Variants in CUBN observed in about 807,000 individuals in gnomAD.
CUBN encodes cubilin, also known as 460 kDa receptor.
Under a neutral mutation model 405.3 loss-of-function variants are expected in CUBN, and 282 were observed. The observed-to-expected ratio is 0.70, with a 90% CI of 0.63 to 0.77. The LOEUF (loss-of-function observed/expected upper bound fraction) is 0.77, where lower values mean the gene tolerates loss of function less well. CUBN is among the 30% of genes least tolerant of loss of function. The probability of loss-of-function intolerance (pLI) is 0.00; values close to 1 mark genes in which losing one functional copy is unlikely to be tolerated. For synonymous variants in CUBN, 1,684 were observed against 1,617.0 expected (o/e 1.04, Z -0.99); for missense variants, 4,514 against 4,475.2 (o/e 1.01, Z -0.25).
At chr10:17,016,556 T>C (rs1036864071) in intron 28 of CUBN, among the ~76,000 whole-genome samples, 2 of 152,212 alleles carry the variant, frequency 1.3e-5, no homozygotes, top group Non-Finnish European at 2.9e-5. Context: ...TATGTACCTA[T>C]CAGGATCATC....
At chr10:16,973,959 C>A (rs766516940) in intron 31 of CUBN, among the ~76,000 whole-genome samples, 1 of 152,154 alleles carries the variant, frequency 6.6e-6, no homozygotes, top group Non-Finnish European at 1.5e-5. Context: ...CACGGGCATG[C>A]ATGTCTGACT....
At position 17,088,318 on chromosome 10, in the gene CUBN, T is replaced by C; in HGVS notation, c.1793A>G (p.Tyr598Cys). 6.2e-7 allele frequency: 1 copy of C among 1,612,926 alleles called. No individual in the cohort carries two copies. The highest frequency in any genetic ancestry group is 8.5e-7 in the Non-Finnish European group (1 of 1,179,022). Residue 598 changes from tyrosine (Y) to cysteine (C), a missense_variant, in exon 15 of 67, where the codon TAC becomes TGC. Tyr to Cys is a radical substitution (Grantham distance 194). This residue lies in a region of CUBN where 1,448 missense variants were observed against 1,388.0 expected (regional missense o/e 1.04). Coordinates refer to ENST00000377833, the MANE Select transcript of CUBN (RefSeq NM_001081.4). ...PECGGILTGP[Y>C]GSIKSPGYPG... is the part of the protein sequence containing the mutation. Reference sequence around the variant, plus strand: ...ATACCCCGGAGACTTAATAGAACCGTAAGGACCAGTCAGGATACCTCCACA... The same window carrying C: ...ATACCCCGGAGACTTAATAGAACCGCAAGGACCAGTCAGGATACCTCCACA...
intron 59 of CUBN, among the ~76,000 whole-genome samples, chr10:16,856,056 G>A (rs1839860955): frequency 6.6e-6 from 1 of 152,116 alleles, no homozygotes; most frequent in Admixed American, 6.5e-5. Context: ...TTCAATGGTG[G>A]GGGAATATAA....
chr10:16,992,334 T>C (rs1833614823), intron 28 of CUBN, among the ~76,000 whole-genome samples: 1 of 152,174 alleles, frequency 6.6e-6, no homozygotes. Flanking sequence ...GGCACATGCA[T>C]ACATATGTGA....
Position 17,084,320 on chromosome 10 carries a change from G to A in CUBN, c.2252C>T (p.Thr751Ile), listed in dbSNP as rs1836047953. ...PQGEQIQINF[T>I]HVELQCQSDS... ...ACTCTGGCATTGCAGCTCCACGTGG[G>A]TGAAGTTGATTTGTATTTGTTCTCC... The change falls in exon 17 of 67, where the codon ACC becomes ATC. Residue 751 changes from threonine (T) to isoleucine (I), a missense_variant. Coordinates refer to ENST00000377833, the MANE Select transcript of CUBN (RefSeq NM_001081.4). 1 of 1,614,140 alleles carries A rather than the reference G, an allele frequency of 6.2e-7. No homozygotes were observed. Among genetic ancestry groups the A allele is most frequent in the Non-Finnish European group, 8.5e-7 (1 of 1,180,036 alleles).
In CUBN at chr10:16,831,524, T is replaced by C; in HGVS notation, c.10363-107A>G. ...TGACATTGGTCGGAAAAGCTTTGTC[T>C]TTTTATACAGTTAAGAATGAAGCGT... On this transcript the variant is annotated intron_variant, in intron 64 of 66. Transcript: ENST00000377833. 2.9e-6 allele frequency: 3 copies of C among 1,033,388 alleles called. No individual in the cohort carries two copies. In the East Asian group the frequency reaches 7.2e-5, roughly 25 times the overall value. The allele number at this position is 1,033,388 out of a possible 1,614,324, so 64.0% of individuals were successfully genotyped here.
At chr10:16,874,690 G>A (rs1167361912) in intron 57 of CUBN, among the ~76,000 whole-genome samples, 187 bp from the exon 58 acceptor site, 2 of 152,190 alleles carry the variant, frequency 1.3e-5, no homozygotes, top group East Asian at 1.9e-4. Flanking sequence ...TAGGAAGGAA[G>A]ATGAAAGACA....
chr10:16,915,203 T>A (rs573556980), intron 46 of CUBN, 31 bp from the exon 47 acceptor site: 1 of 1,612,596 alleles, frequency 6.2e-7, no homozygotes, highest in East Asian at 2.2e-5. Flanking sequence ...AATATACATG[T>A]CCAAGTGATT....
At chr10:16,869,612 G>T in intron 59 of CUBN, 24 bp downstream of exon 59, 3 of 1,532,480 alleles carry the variant, frequency 2.0e-6, no homozygotes, top group Non-Finnish European at 1.8e-6. Context: ...CTGACAAATA[G>T]ATTTACAAGT....
At chr10:16,854,129 C>A (rs1485646572) in intron 59 of CUBN, among the ~76,000 whole-genome samples, 2 of 152,150 alleles carry the variant, frequency 1.3e-5, no homozygotes, top group African/African-American at 4.8e-5. Flanking sequence ...TGATTTGGAT[C>A]TGGGTCTTGA....
intron 27 of CUBN, among the ~76,000 whole-genome samples, chr10:17,038,136 C>T (rs190813504): frequency 2.6e-5 from 4 of 152,134 alleles, no homozygotes; most frequent in Non-Finnish European, 5.9e-5. Context: ...ACTTCCTCTT[C>T]TCACTACACA....
Position 16,869,627 on chromosome 10 carries a change from A to C in CUBN, c.9454+9T>G, listed in dbSNP as rs748065130. The C allele has an allele frequency of 5.0e-6, 8 of 1,601,776 alleles. No individual in the cohort carries two copies. Among genetic ancestry groups the C allele is most frequent in the African/African-American group, 4.0e-5 (3 of 74,638 alleles). On this transcript the variant is annotated intron_variant, in intron 59 of 66. Transcript: ENST00000377833. The stretch of plus-strand genomic sequence containing the variant: ...CTGACAAATAGATTTACAAGTCCAG[A>C]ATTCTTACCCAATGTCTGCCGGAAA...
At chr10:16,921,586 G>A (rs1373468938) in intron 43 of CUBN, among the ~76,000 whole-genome samples, 2 of 152,162 alleles carry the variant, frequency 1.3e-5, no homozygotes, top group African/African-American at 4.8e-5. Flanking sequence ...TGATCACACT[G>A]TTCTTCTTTA....
chr10:17,084,000 TG>T (rs1836034384), intron 17 of CUBN, among the ~76,000 whole-genome samples: 1 of 152,200 alleles, frequency 6.6e-6, no homozygotes, highest in South Asian at 2.1e-4. Flanking sequence ...CTTGACTAGC[TG>T]GGTCATCTGG....
At chr10:17,102,123 G>A (rs1836506512) in intron 13 of CUBN, among the ~76,000 whole-genome samples, 1 of 152,074 alleles carries the variant, frequency 6.6e-6, no homozygotes. Flanking sequence ...GCTGGAGAAA[G>A]CATGGACTTT....
chr10:16,925,408 T>G lies in CUBN; in HGVS notation c.6479A>C (p.Asp2160Ala), dbSNP rs144704318. The part of the protein sequence containing the change: ...GDYLVLRNGP[D>A]ICSPPLGPPG... ...GGGTCCCAAGGGTGGAGAACAGATA[T>G]CAGGACCATTTCTTAGCTGGAAAGA... The change falls in exon 43 of 67, where the codon GAT (aspartate) becomes GCT (alanine). Residue 2160 changes from aspartate to alanine, a missense_variant. Asp to Ala is a moderately radical substitution (Grantham distance 126). Transcript: ENST00000377833. The G allele has an allele frequency of 1.2e-6, 2 of 1,613,872 alleles. No homozygotes were observed. Among genetic ancestry groups the G allele is most frequent in the South Asian group, 2.2e-5 (2 of 91,078 alleles).
At chr10:17,029,431 C>A (rs1244342305) in intron 27 of CUBN, among the ~76,000 whole-genome samples, 2 of 152,228 alleles carry the variant, frequency 1.3e-5, no homozygotes, top group Non-Finnish European at 2.9e-5. Context: ...TCATGCTAAA[C>A]TCAACGACAC....
Position 17,065,543 on chromosome 10 carries a change from A to G in CUBN, c.3104T>C (p.Phe1035Ser). 6.2e-7 allele frequency: 1 copy of G among 1,613,598 alleles called. No homozygotes were observed. Among genetic ancestry groups the G allele is most frequent in the Non-Finnish European group, 8.5e-7 (1 of 1,179,604 alleles). Reference protein sequence around the residue: ...VTDSDLAYEGFLINYEAISAA... With the variant: ...VTDSDLAYEGSLINYEAISAA... ...ACTGATTGCTTCATAGTTTATTAAG[A>G]AGCCTTCATAAGCGAGGTCGGAGTC... The change falls in exon 22 of 67, where the codon TTC becomes TCC. Residue 1035 changes from phenylalanine to serine, a missense_variant. Phe to Ser is a radical substitution (Grantham distance 155, BLOSUM62 -2). Transcript: ENST00000377833.
intron 43 of CUBN, among the ~76,000 whole-genome samples, chr10:16,923,303 G>C (rs1842091483): frequency 6.6e-6 from 1 of 151,988 alleles, no homozygotes; most frequent in Admixed American, 6.6e-5. Context: ...TCTACCACAG[G>C]GTCCTAGAAA....
Sources: allele counts gnomAD v4.1 joint callset (sites outside exome capture counted in the v4.1 genomes callset), GRCh38; gene constraint gnomAD v4.1.1; regional missense constraint gnomAD v4.1.1; transcripts MANE v1.5; gene names NCBI Gene and HGNC (gene_info 2026-07-23, HGNC 2026-07-21).